DNAH11: variants seen among roughly 807,000 people sequenced by gnomAD.
The protein encoded by DNAH11 is dynein axonemal heavy chain 11, also known as axonemal beta dynein heavy chain 11.
In DNAH11, 442 loss-of-function variants were observed where a neutral mutation model predicts 526.0. The observed-to-expected ratio is 0.84, with a 90% confidence interval of 0.78 to 0.91. The LOEUF is 0.91. Ranked by LOEUF, DNAH11 falls within the 40% of genes least tolerant of loss-of-function variation. DNAH11 has a pLI of 0.00. For synonymous variants in DNAH11, 2,461 were observed against 1,935.9 expected (o/e 1.27, Z -7.12); for missense variants, 6,989 against 5,448.7 (o/e 1.28, Z -8.90).
chr7:21,854,344 A>T lies in DNAH11; in HGVS notation c.11091A>T (p.Lys3697Asn). 2 of 1,613,786 alleles carry T rather than the reference A, an allele frequency of 1.2e-6. No homozygotes were observed. Among genetic ancestry groups the T allele is most frequent in the Non-Finnish European group, 1.7e-6 (2 of 1,179,830 alleles). Residue 3697 changes from lysine (K) to asparagine (N), a missense_variant, in exon 68 of 82, where the codon AAA becomes AAT. Coordinates refer to ENST00000409508, the MANE Select transcript of DNAH11 (RefSeq NM_001277115.2). ...KVIEAKENER[K>N]INEARECYRP... ...TTGAAGCCAAAGAAAATGAAAGAAA[A>T]ATCAACGAGGCCCGAGAATGTTACA...
intron 5 of DNAH11, among the ~76,000 whole-genome samples, chr7:21,561,976 G>T (rs929166743): frequency 6.6e-6 from 1 of 152,156 alleles, no homozygotes; most frequent in African/African-American, 2.4e-5. Context: ...TACATCTTTA[G>T]GGTTTTCTGC....
intron 65 of DNAH11, among the ~76,000 whole-genome samples, chr7:21,837,816 AT>A (rs1376579597): frequency 6.6e-6 from 1 of 152,200 alleles, no homozygotes; most frequent in Non-Finnish European, 1.5e-5. Context: ...ATATTTCAAC[AT>A]AACTAGAAGA....
rs763147655 is a variant in DNAH11, at chr7:21,617,625, T to A, written c.4102T>A (p.Trp1368Arg). The change falls in exon 23 of 82, where the codon TGG becomes AGG. Residue 1368 changes from tryptophan (W) to arginine (R), a missense_variant. By Grantham distance (101) the Trp-to-Arg change is moderately radical. Transcript: ENST00000409508. ...VELRRFAKEI[W>R]SLNKEVRVWD... ...TTCCTCCACTTTTCTTTAGGAAATT[T>A]GGTCACTCAACAAGGAAGTCCGCGT... 1.2e-6 allele frequency: 2 copies of A among 1,613,794 alleles called. No homozygotes were observed. The highest frequency in any genetic ancestry group is 1.7e-5 in the Admixed American group (1 of 59,948).
At chr7:21,888,737 C>G (rs965196224) in intron 76 of DNAH11, among the ~76,000 whole-genome samples, 1 of 152,108 alleles carries the variant, frequency 6.6e-6, no homozygotes, top group African/African-American at 2.4e-5. Context: ...ATCTGCCCAC[C>G]TCGGCCTCCC....
intron 54 of DNAH11, among the ~76,000 whole-genome samples, chr7:21,757,250 T>C (rs570796134): frequency 2.0e-5 from 3 of 152,350 alleles, no homozygotes; most frequent in African/African-American, 4.8e-5. Context: ...TTTAAAACTT[T>C]TAAGTAACTA....
intron 57 of DNAH11, among the ~76,000 whole-genome samples, chr7:21,783,121 C>G (rs1181924401): frequency 6.6e-6 from 1 of 152,076 alleles, no homozygotes; most frequent in Non-Finnish European, 1.5e-5. Flanking sequence ...CACATAAACT[C>G]TTTTATCTGT....
At chr7:21,810,780 G>A (rs1361000956) in intron 63 of DNAH11, among the ~76,000 whole-genome samples, 1 of 152,064 alleles carries the variant, frequency 6.6e-6, no homozygotes, top group Admixed American at 6.5e-5. Context: ...GGAAAGTCAA[G>A]CAGTGACTAG....
intron 55 of DNAH11, among the ~76,000 whole-genome samples, chr7:21,769,363 T>A (rs1448403405): frequency 6.6e-6 from 1 of 151,662 alleles, no homozygotes; most frequent in African/African-American, 2.4e-5. Context: ...CCTATAAGTT[T>A]GTAGTTTTGT....
At chr7:21,708,306 C>T (rs1784345911) in intron 40 of DNAH11, among the ~76,000 whole-genome samples, 2 of 152,210 alleles carry the variant, frequency 1.3e-5, no homozygotes, top group Non-Finnish European at 2.9e-5. Flanking sequence ...TTGGCATCAT[C>T]CTTGAGGCCT....
At chr7:21,562,501 C>A (rs555579054) in intron 5 of DNAH11, among the ~76,000 whole-genome samples, 1 of 151,940 alleles carries the variant, frequency 6.6e-6, no homozygotes, top group Non-Finnish European at 1.5e-5. Flanking sequence ...GCTACAGATT[C>A]TGCAGGAATG....
intron 42 of DNAH11, among the ~76,000 whole-genome samples, chr7:21,715,138 C>T (rs1463878611): frequency 3.3e-5 from 5 of 152,306 alleles, no homozygotes; most frequent in Middle Eastern, 3.4e-3. Context: ...TTCCAGGCCA[C>T]GGTGAATGAC....
At chr7:21,602,194 G>C in intron 18 of DNAH11, among the ~76,000 whole-genome samples, 1 of 151,950 alleles carries the variant, frequency 6.6e-6, no homozygotes, top group East Asian at 1.9e-4. Context: ...ACAAAAATTA[G>C]CTGGGCATGG....
chr7:21,651,971 T>C (rs1420370216), intron 28 of DNAH11, among the ~76,000 whole-genome samples: 3 of 152,246 alleles, frequency 2.0e-5, no homozygotes, highest in Non-Finnish European at 4.4e-5. Context: ...TGTAGTTCTA[T>C]GATGAACCTA....
intron 66 of DNAH11, among the ~76,000 whole-genome samples, chr7:21,843,637 C>T (rs183778488): frequency 2.0e-3 from 299 of 152,074 alleles, no homozygotes; most frequent in African/African-American, 6.0e-3. Context: ...TGCACCACCA[C>T]GCCCAGCTAA....
At chr7:21,562,660 C>G (rs547435693) in intron 5 of DNAH11, among the ~76,000 whole-genome samples, 23 of 152,152 alleles carry the variant, frequency 1.5e-4, no homozygotes, top group African/African-American at 5.3e-4. Flanking sequence ...TGTGGAGTCA[C>G]CACACATGCT....
At chr7:21,868,788 T>G (rs539014361) in intron 72 of DNAH11, 76 bp from the exon 73 acceptor site, 1 of 1,582,866 alleles carries the variant, frequency 6.3e-7, no homozygotes, top group African/African-American at 1.4e-5. Context: ...CAGATGTGCA[T>G]TAGACCACAG....
intron 9 of DNAH11, among the ~76,000 whole-genome samples, chr7:21,585,978 AAAG>A (rs1784467867): frequency 6.6e-6 from 1 of 152,220 alleles, no homozygotes; most frequent in South Asian, 2.1e-4. Context: ...TACTGTGAAC[AAAG>A]AAGCAAGAGG....
chr7:21,788,913 T>A (rs1272291362), intron 60 of DNAH11, among the ~76,000 whole-genome samples: 1 of 152,196 alleles, frequency 6.6e-6, no homozygotes, highest in Non-Finnish European at 1.5e-5. Flanking sequence ...AAGGTCCAGA[T>A]TAAATAAGTA....
Position 21,602,350 on chromosome 7 carries a change from A to G in DNAH11, c.3648+732A>G, listed in dbSNP as rs544306978. Among the ~76,000 whole-genome samples the G allele has an allele frequency of 2.7e-4, 41 of 152,228 alleles. 1 individual carries two copies. In the South Asian group the frequency reaches 8.5e-3, roughly 32 times the overall value. On this transcript the variant is annotated intron_variant, in intron 18 of 81. Coordinates refer to ENST00000409508, the MANE Select transcript of DNAH11 (RefSeq NM_001277115.2). ...GAGACTCCTTCTCAAAATAATAATA[A>G]TACTAATAATAAATAAATGAAACTC...
Sources: allele counts gnomAD v4.1 joint callset (sites outside exome capture counted in the v4.1 genomes callset), GRCh38; gene constraint gnomAD v4.1.1; transcripts MANE v1.5; gene names NCBI Gene and HGNC (gene_info 2026-07-23, HGNC 2026-07-21).